PHF12: variants seen among roughly 807,000 people sequenced by gnomAD.
PHF12 encodes PHD factor 1.
PHF12 carries 6 observed loss-of-function variants against 99.8 expected under a neutral mutation model. The observed-to-expected ratio is 0.06, with a 90% confidence interval of 0.03 to 0.12. PHF12 has a LOEUF of 0.12. Among genes scored for constraint, PHF12 ranks in the 10% least tolerant of loss-of-function variants. The pLI, the probability that PHF12 is intolerant of heterozygous loss-of-function variation, is 1.00. For synonymous variants in PHF12, 480 were observed against 514.9 expected (o/e 0.93, Z 0.92); for missense variants, 954 against 1,300.1 (o/e 0.73, Z 4.09).
chr17:28,942,917 T>C (rs2040646356), intron 2 of PHF12, among the ~76,000 whole-genome samples: 1 of 152,088 alleles, frequency 6.6e-6, no homozygotes, highest in Non-Finnish European at 1.5e-5. Context: ...AAATCATATA[T>C]GCGACAAGGA....
At chr17:28,914,671 C>CAAAAA (rs61203588) in intron 7 of PHF12, among the ~76,000 whole-genome samples, 929 of 30,332 alleles carry the variant, frequency 0.031, 155 homozygotes, top group East Asian at 0.17. Context: ...GACTCCGTCT[C>CAAAAA]AAAAAAAAAA....
chr17:28,913,378 G>A lies in PHF12; in HGVS notation c.1294-101C>T, dbSNP rs374818907. 5.6e-5 allele frequency: 84 copies of A among 1,496,668 alleles called. No individual in the cohort carries two copies. In the East Asian group the frequency reaches 5.7e-4, roughly 10 times the overall value. The allele number at this position is 1,496,668 out of a possible 1,614,324, so 92.7% of individuals were successfully genotyped here. A position where few individuals can be genotyped will look rare whatever the true frequency, so the allele number is the denominator to read the frequency against. ...GCAGCAGAGCTGACAAGCAGTTTCCGAGGTCCCATCATGAATGCTCACAAA... is the reference window on the plus strand; with the variant it reads ...GCAGCAGAGCTGACAAGCAGTTTCCAAGGTCCCATCATGAATGCTCACAAA... On this transcript the variant is annotated intron_variant, in intron 8 of 14. Transcript: ENST00000332830.
In PHF12 at chr17:28,921,721, G is replaced by A; in HGVS notation, c.803C>T (p.Pro268Leu). ...QHELDHNGLVPLPVKVCFTCN... is the reference protein window; with the variant it reads ...QHELDHNGLVLLPVKVCFTCN... Reference sequence around the variant, plus strand: ...CGTGAAGCAGACTTTGACGGGTAAGGGAACGAGACCATTGTGATCTAATTC... The same window carrying A: ...CGTGAAGCAGACTTTGACGGGTAAGAGAACGAGACCATTGTGATCTAATTC... The change falls in exon 5 of 15, where the codon CCC becomes CTC. Residue 268 changes from proline (P) to leucine (L), a missense_variant. Physicochemically the swap from Pro to Leu is moderately conservative, Grantham distance 98 (BLOSUM62 -3). Around this residue, in one of 8 missense-constraint regions of PHF12, gnomAD observed 85 missense variants for 196.6 expected, o/e 0.43. Transcript: ENST00000332830. The A allele has an allele frequency of 6.2e-7, 1 of 1,614,052 alleles. No homozygotes were observed.
At chr17:28,922,521 A>C (rs2040184726) in intron 4 of PHF12, among the ~76,000 whole-genome samples, 2 of 151,918 alleles carry the variant, frequency 1.3e-5, no homozygotes, top group African/African-American at 4.8e-5. Flanking sequence ...CCAGGACTTA[A>C]AAAAAAAGAA....
At chr17:28,923,825 G>T in intron 4 of PHF12, 84 bp downstream of exon 4, 1 of 1,456,560 alleles carries the variant, frequency 6.9e-7, no homozygotes, top group Non-Finnish European at 9.2e-7. Flanking sequence ...TACATGAACA[G>T]TGACTCCACA....
In PHF12 at chr17:28,910,242, T is replaced by C; in HGVS notation, c.2343A>G (p.Gly781=). 1 of 1,614,170 alleles carries C rather than the reference T, an allele frequency of 6.2e-7. No individual in the cohort carries two copies. The highest frequency in any genetic ancestry group is 8.5e-7 in the Non-Finnish European group (1 of 1,180,016). Residue 781 remains glycine, a synonymous_variant, in exon 11 of 15, where the codon GGA becomes GGG. Coordinates refer to ENST00000332830, the MANE Select transcript of PHF12 (RefSeq NM_001033561.2). Reference sequence around the variant, plus strand: ...CATGCGCACCTTCTATGTGGTGCCCTCCAGAAGCCAGCTGATGTGTCCCGA... The same window carrying C: ...CATGCGCACCTTCTATGTGGTGCCCCCCAGAAGCCAGCTGATGTGTCCCGA... ...GSVGTHQLAS[G]GHHIEVQRKE...
chr17:28,926,619 T>C, intron 3 of PHF12: 1 of 419,068 alleles, frequency 2.4e-6, no homozygotes, highest in Non-Finnish European at 4.3e-6. Context: ...TGGATACCAG[T>C]GACTTATTTG....
At chr17:28,914,809 A>T (rs1320985144) in intron 7 of PHF12, among the ~76,000 whole-genome samples, 1 of 152,182 alleles carries the variant, frequency 6.6e-6, no homozygotes, top group Admixed American at 6.5e-5. Flanking sequence ...TGTGCAACAA[A>T]AACAGAAGCC....
At chr17:28,919,789 A>G (rs953407678) in intron 5 of PHF12, among the ~76,000 whole-genome samples, 8 of 152,166 alleles carry the variant, frequency 5.3e-5, no homozygotes, top group Non-Finnish European at 1.5e-5. Flanking sequence ...ACATGGATGG[A>G]TTTGGGGGCT....
intron 11 of PHF12, chr17:28,909,992 C>T: frequency 2.9e-6 from 2 of 681,654 alleles, no homozygotes; most frequent in Admixed American, 2.2e-5. Flanking sequence ...TCGAAGTGGA[C>T]TTATATATGA....
At chr17:28,933,991 G>A (rs942094833) in intron 2 of PHF12, among the ~76,000 whole-genome samples, 58 of 152,218 alleles carry the variant, frequency 3.8e-4, no homozygotes, top group African/African-American at 1.1e-3. Flanking sequence ...AAACTGAAGT[G>A]AGCCATGTCC....
rs151290614 is a variant in PHF12 at position 28,919,380 on chromosome 17, TCCTTG to T, written c.837-110_837-106del. The stretch of plus-strand genomic sequence containing the variant: ...CCTCCTTGATCCTAACATTCTCCCC[TCCTTG>T]ATCCTAACATTCTCCCCTATCTTCC... On this transcript the variant is annotated intron_variant, in intron 5 of 14. Transcript: ENST00000332830. 2.9e-5 allele frequency: 23 copies of T among 783,446 alleles called. No individual in the cohort carries two copies. The African/African-American group carries it at 3.5e-4, about 12-fold the overall frequency. The allele number at this position is 783,446 out of a possible 1,614,324, so 48.5% of individuals were successfully genotyped here.
rs1337201897 is a variant in PHF12, at chr17:28,906,470, C to T, written c.2728G>A (p.Ala910Thr). 2 of 1,613,082 alleles carry T rather than the reference C, an allele frequency of 1.2e-6. No homozygotes were observed. Among genetic ancestry groups the T allele is most frequent in the East Asian group, 4.5e-5 (2 of 44,884 alleles). ...KQDEEPSEEA[A>T]MMSSQAQGPQ... Reference sequence around the variant, plus strand: ...CCCTGGGCCTGGGAACTCATCATGGCTGCCTCCTCACTTGGCTCTTCGTCC... The same window carrying T: ...CCCTGGGCCTGGGAACTCATCATGGTTGCCTCCTCACTTGGCTCTTCGTCC... The change falls in exon 15 of 15, where the codon GCC (alanine) becomes ACC (threonine). Residue 910 changes from alanine (A) to threonine (T), a missense_variant. Coordinates refer to ENST00000332830, the MANE Select transcript of PHF12 (RefSeq NM_001033561.2). The surrounding 1 kb of genome is among the most constrained non-coding windows in gnomAD (Gnocchi z 4.2).
chr17:28,915,481 T>G (rs1173124383), intron 7 of PHF12, among the ~76,000 whole-genome samples: 1 of 151,950 alleles, frequency 6.6e-6, no homozygotes, highest in Non-Finnish European at 1.5e-5. Flanking sequence ...TGAGTCTGGA[T>G]ATAAGGAGAA....
chr17:28,908,751 C>G (rs1428192532), intron 12 of PHF12, 32 bp downstream of exon 12: 1 of 1,601,470 alleles, frequency 6.2e-7, no homozygotes, highest in African/African-American at 1.3e-5. Flanking sequence ...TGAACAGATT[C>G]AGTGTCTCTC....
At chr17:28,914,316 T>C (rs2040021828) in intron 7 of PHF12, among the ~76,000 whole-genome samples, 1 of 151,808 alleles carries the variant, frequency 6.6e-6, no homozygotes, top group South Asian at 2.1e-4. Flanking sequence ...GGCTTCAGAG[T>C]GGTACTCTGG....
intron 3 of PHF12, chr17:28,926,747 CTA>C (rs1210145783): frequency 2.7e-6 from 4 of 1,458,640 alleles, no homozygotes; most frequent in Non-Finnish European, 3.7e-6. Flanking sequence ...ACTCCTGTCA[CTA>C]GTGACTAAAC....
chr17:28,921,578 C>T (rs1567958010), intron 5 of PHF12, 110 bp downstream of exon 5: 1 of 1,363,336 alleles, frequency 7.3e-7, no homozygotes, highest in Non-Finnish European at 1.0e-6. Context: ...CTCATACTAT[C>T]AGAATATGGG....
Position 28,923,919 on chromosome 17 carries a change from A to G in PHF12, c.705T>C (p.Thr235=). The part of the protein sequence containing the change: ...FQLPNELTCT[T]ALPGSSKRRR... ...GATGGTTTGGCTGACCTGGTAGTGC[A>G]GTGGTACAAGTCAGTTCATTGGGCA... The change falls in exon 4 of 15, where the codon ACT becomes ACC. Residue 235 remains threonine (T), a synonymous_variant. Coordinates refer to ENST00000332830, the MANE Select transcript of PHF12 (RefSeq NM_001033561.2). 1 of 1,609,192 alleles carries G rather than the reference A, an allele frequency of 6.2e-7. No homozygotes were observed. Among genetic ancestry groups the G allele is most frequent in the African/African-American group, 1.3e-5 (1 of 74,864 alleles).
Sources: gnomAD v4.1 joint callset for allele counts (sites outside exome capture counted in the v4.1 genomes callset) on GRCh38, gnomAD v4.1.1 for gene constraint, gnomAD v4.1.1 regional missense constraint, Gnocchi (gnomAD v3.1) non-coding constraint, MANE v1.5 for transcripts, NCBI Gene and HGNC (gene_info 2026-07-23, HGNC 2026-07-21) for gene names.